The following SEC22C variants were observed in gnomAD, a reference collection of about 807,000 sequenced individuals.
The protein encoded by SEC22C is vesicle-trafficking protein SEC22c.
SEC22C carries 29 observed loss-of-function variants against 34.7 expected under a neutral mutation model. The ratio of observed to expected loss-of-function variants is 0.84; its 90% CI spans 0.62 to 1.14. The LOEUF is 1.14. SEC22C is among the 50% of genes most tolerant of loss of function. The pLI, the probability that SEC22C is intolerant of heterozygous loss-of-function variation, is 0.00. For missense variants in SEC22C, 337 were observed against 369.0 expected (o/e 0.91, Z 0.71); for synonymous variants, 117 against 132.8 (o/e 0.88, Z 0.82).
chr3:42,548,862 G>A lies in SEC22C; in HGVS notation c.*4386C>T, dbSNP rs115425618. On this transcript the variant is annotated 3_prime_UTR_variant, in exon 7 of 7. Coordinates refer to ENST00000264454, the MANE Select transcript of SEC22C (RefSeq NM_032970.4). ...GAAGCAGAAAAACCTTCATGTACCA[G>A]GTGAATGTAAAGCCTTTCTCCTCCC... The A allele has an allele frequency of 4.1e-3, 5,662 of 1,390,850 alleles. 210 individuals are homozygous for A. In the African/African-American group the frequency reaches 0.072, roughly 18 times the overall value. 86.2% of individuals were successfully genotyped at this position (1,390,850 alleles called of 1,614,324 possible). A position where few individuals can be genotyped will look rare whatever the true frequency, so the allele number is the denominator to read the frequency against.
At chr3:42,567,579 T>C (rs1703328266) in intron 2 of SEC22C, among the ~76,000 whole-genome samples, 1 of 152,228 alleles carries the variant, frequency 6.6e-6, no homozygotes, top group Non-Finnish European at 1.5e-5. Flanking sequence ...GCCTGGCATA[T>C]AGAAAACACT....
At chr3:42,598,611 G>A (rs1271429551) in intron 1 of SEC22C, among the ~76,000 whole-genome samples, 1 of 151,958 alleles carries the variant, frequency 6.6e-6, no homozygotes, top group Non-Finnish European at 1.5e-5. Context: ...TTACAGGTGT[G>A]AGCCACCGCA....
intron 3 of SEC22C, among the ~76,000 whole-genome samples, chr3:42,563,090 A>G (rs2125706214): frequency 6.6e-6 from 1 of 152,356 alleles, no homozygotes; most frequent in Non-Finnish European, 1.5e-5. Flanking sequence ...CAGTTAGTAA[A>G]TATTTTAGGT....
chr3:42,600,965 T>C, exon 1 of SEC22C: 1 of 1,479,216 alleles, frequency 6.8e-7, no homozygotes, highest in South Asian at 1.3e-5. Context: ...CTGACCGCTT[T>C]TCTCCCCCTC....
intron 2 of SEC22C, among the ~76,000 whole-genome samples, chr3:42,564,883 G>A (rs150346360): frequency 1.2e-3 from 181 of 152,154 alleles, no homozygotes; most frequent in African/African-American, 3.9e-3. Flanking sequence ...TCAGCCTCCC[G>A]AGTAGCTGGG....
chr3:42,601,075 A>C, exon 1 of SEC22C: 1 of 1,559,998 alleles, frequency 6.4e-7, no homozygotes, highest in East Asian at 2.5e-5. Flanking sequence ...GTGAGCTGGA[A>C]ACTGGGGAGC....
upstream of SEC22C, among the ~76,000 whole-genome samples, chr3:42,586,584 T>C (rs867581049): frequency 7.2e-5 from 9 of 124,192 alleles, no homozygotes; most frequent in South Asian, 5.9e-4. Context: ...CAGTCACTGT[T>C]TAAAAAAAAA....
chr3:42,588,858 G>A (rs1381496157), intron 1 of SEC22C, among the ~76,000 whole-genome samples: 4 of 152,134 alleles, frequency 2.6e-5, no homozygotes, highest in Non-Finnish European at 5.9e-5. Context: ...TTTTCCTGAG[G>A]AGGAAGCCTG....
At chr3:42,600,574 C>T (rs570406847) in intron 1 of SEC22C, 1 of 147,892 alleles carries the variant, frequency 6.8e-6, no homozygotes, top group Non-Finnish European at 1.5e-5. Context: ...GCGTACGCCC[C>T]CGCTGCCGCC....
At chr3:42,578,539 TACACACACACACACACACACACAC>T (rs66708395) in intron 1 of SEC22C, among the ~76,000 whole-genome samples, 94 of 146,782 alleles carry the variant, frequency 6.4e-4, no homozygotes, top group Non-Finnish European at 1.2e-3. Context: ...GTGACAGTAC[TACACACACACACACACACACACAC>T]ACACACACTT....
intron 1 of SEC22C, chr3:42,600,642 C>T (rs896473236): frequency 1.7e-5 from 3 of 173,980 alleles, no homozygotes; most frequent in Admixed American, 6.4e-5. Flanking sequence ...TCCCGACTCT[C>T]GCGGGGTTTA....
chr3:42,569,633 G>A (rs1049452038), intron 1 of SEC22C, among the ~76,000 whole-genome samples: 1 of 152,196 alleles, frequency 6.6e-6, no homozygotes, highest in Non-Finnish European at 1.5e-5. Flanking sequence ...AGGCAAAAAT[G>A]AAACCTCTAG....
In SEC22C at chr3:42,553,269, C is replaced by T; in HGVS notation, c.891G>A (p.Lys297=). 3 of 1,614,138 alleles carry T rather than the reference C, an allele frequency of 1.9e-6. No homozygotes were observed. The highest frequency in any genetic ancestry group is 2.5e-6 in the Non-Finnish European group (3 of 1,180,032). ...YQILTRQLQE[K]QSDCGV Reference sequence around the variant, plus strand: ...ATCCTCATACTCCACAGTCAGACTGCTTCTCCTGAAGCTGCCTTGTTAGTA... The same window carrying T: ...ATCCTCATACTCCACAGTCAGACTGTTTCTCCTGAAGCTGCCTTGTTAGTA... Residue 297 remains lysine (K), a synonymous_variant, in exon 7 of 7, where the codon AAG becomes AAA. Transcript: ENST00000264454.
At chr3:42,554,996 C>CAAAA (rs36073859) in intron 6 of SEC22C, among the ~76,000 whole-genome samples, 1 of 151,068 alleles carries the variant, frequency 6.6e-6, no homozygotes. Flanking sequence ...ACAACAACAA[C>CAAAA]AAAAAAATCA....
At chr3:42,558,386 G>A (rs1411852859) in intron 4 of SEC22C, among the ~76,000 whole-genome samples, 2 of 151,528 alleles carry the variant, frequency 1.3e-5, no homozygotes, top group East Asian at 3.9e-4. Flanking sequence ...TACCTGGGAG[G>A]CTGAGGTGGG....
upstream of SEC22C, among the ~76,000 whole-genome samples, chr3:42,584,522 C>T (rs1328963193): frequency 6.6e-6 from 1 of 152,198 alleles, no homozygotes; most frequent in East Asian, 1.9e-4. Flanking sequence ...TCCCTAAGTG[C>T]TGGGATTACA....
At chr3:42,590,669 G>C in intron 1 of SEC22C, 2 of 601,170 alleles carry the variant, frequency 3.3e-6, no homozygotes, top group South Asian at 3.9e-5. Flanking sequence ...CAACCCACAA[G>C]TTTCGCTCTC....
chr3:42,555,794 G>C (rs773039585), intron 6 of SEC22C, 136 bp downstream of exon 6: 60 of 721,022 alleles, frequency 8.3e-5, no homozygotes, highest in Admixed American at 7.8e-4. Flanking sequence ...CTCCACTAAG[G>C]GCTTGGTATT....
intron 1 of SEC22C, among the ~76,000 whole-genome samples, chr3:42,572,210 G>A (rs1703679938): frequency 7.3e-6 from 1 of 137,498 alleles, no homozygotes; most frequent in African/African-American, 2.9e-5. Flanking sequence ...ATGCCAATGG[G>A]TACAGACCAA....
Sources: gnomAD v4.1 joint callset for allele counts (sites outside exome capture counted in the v4.1 genomes callset) on GRCh38, gnomAD v4.1.1 for gene constraint, MANE v1.5 for transcripts, NCBI Gene and HGNC (gene_info 2026-07-23, HGNC 2026-07-21) for gene names.